DCLK1: variants seen among roughly 807,000 people sequenced by gnomAD.
DCLK1 encodes doublecortin like kinase 1.
In DCLK1, 16 loss-of-function variants were observed where a neutral mutation model predicts 86.2. The ratio of observed to expected loss-of-function variants is 0.19; its 90% CI spans 0.13 to 0.28. The LOEUF is 0.28. DCLK1 is among the 10% of genes least tolerant of loss of function. DCLK1 has a pLI of 1.00. For missense variants in DCLK1, 590 were observed against 940.2 expected, an observed-to-expected ratio of 0.63 and a Z score of 4.87; for synonymous variants, 369 against 370.5, an observed-to-expected ratio of 1.00 and a Z score of 0.05.
intron 4 of DCLK1, among the ~76,000 whole-genome samples, chr13:35,904,585 G>A (rs1874575364): frequency 6.6e-6 from 1 of 152,196 alleles, no homozygotes; most frequent in Admixed American, 6.5e-5. Context: ...TGGGGAAAGT[G>A]GTGGGTGCTG....
intron 3 of DCLK1, among the ~76,000 whole-genome samples, chr13:36,100,846 T>C (rs188350472): frequency 6.6e-6 from 1 of 152,320 alleles, no homozygotes; most frequent in Non-Finnish European, 1.5e-5. Context: ...GTTTATCCCA[T>C]CCATTGTTGT....
chr13:35,920,849 G>A (rs1875759619), intron 4 of DCLK1, among the ~76,000 whole-genome samples: 1 of 151,972 alleles, frequency 6.6e-6, no homozygotes, highest in East Asian at 1.9e-4. Flanking sequence ...CACCCGATGT[G>A]GCCCCCAGCA....
At chr13:35,929,819 G>C (rs1207153932) in intron 4 of DCLK1, among the ~76,000 whole-genome samples, 1 of 150,530 alleles carries the variant, frequency 6.6e-6, no homozygotes, top group Non-Finnish European at 1.5e-5. Context: ...CAGTGATTCA[G>C]CCTATTGAAA....
intron 15 of DCLK1, among the ~76,000 whole-genome samples, chr13:35,794,560 G>A (rs949864356): frequency 6.6e-6 from 1 of 152,140 alleles, no homozygotes; most frequent in Non-Finnish European, 1.5e-5. Context: ...CAGCATTTGG[G>A]CATTCACTTA....
At chr13:36,007,903 A>C (rs1881056750) in intron 3 of DCLK1, among the ~76,000 whole-genome samples, 1 of 152,082 alleles carries the variant, frequency 6.6e-6, no homozygotes, top group South Asian at 2.1e-4. Context: ...TTGACTTCTA[A>C]GAAGTTAGGG....
At chr13:35,950,084 C>T (rs138628650) in intron 3 of DCLK1, among the ~76,000 whole-genome samples, 18 of 152,280 alleles carry the variant, frequency 1.2e-4, no homozygotes, top group East Asian at 1.9e-4. Context: ...GCTTTCTGTT[C>T]GAAATCATGT....
At position 35,861,023 on chromosome 13, in the gene DCLK1, T is replaced by C. The variant is rs574888937; in HGVS notation, c.941-6430A>G. On this transcript the variant is annotated intron_variant, in intron 5 of 16. Coordinates refer to ENST00000360631, the MANE Select transcript of DCLK1 (RefSeq NM_001330071.2). ...GGGTCCAGAGAAGAAATGGGGGACA[T>C]GAGTGGAAAGGAAGATGTCCTTCAC... Among the ~76,000 whole-genome samples the C allele has an allele frequency of 8.5e-5, 13 of 152,252 alleles. No individual in the cohort carries two copies. In the South Asian group the frequency reaches 2.5e-3, roughly 29 times the overall value.
intron 4 of DCLK1, among the ~76,000 whole-genome samples, 184 bp downstream of exon 4, chr13:35,947,174 C>T (rs184244206): frequency 4.6e-5 from 7 of 152,180 alleles, no homozygotes; most frequent in Admixed American, 3.9e-4. Flanking sequence ...TTCCAATTCT[C>T]ATTTCATCTG....
intron 4 of DCLK1, among the ~76,000 whole-genome samples, chr13:35,886,007 CTTTTTTTTTTT>C (rs10589320): frequency 1.7e-4 from 22 of 130,700 alleles, no homozygotes; most frequent in Admixed American, 5.5e-4. Flanking sequence ...GAATAGGTTC[CTTTTTTTTTTT>C]TTTTTTTTTT....
At chr13:35,918,892 G>GTGTTTTTTTTTTTTTTTTTTTT (rs780502143) in intron 4 of DCLK1, among the ~76,000 whole-genome samples, 1 of 76,322 alleles carries the variant, frequency 1.3e-5, no homozygotes, top group South Asian at 5.9e-4. Context: ...TTCTGAGTGT[G>GTGTTTTTTTTTTTTTTTTTTTT]TTTTTTTTTT....
chr13:36,006,757 T>C (rs1042399071), intron 3 of DCLK1, among the ~76,000 whole-genome samples: 1 of 152,214 alleles, frequency 6.6e-6, no homozygotes, highest in Admixed American at 6.5e-5. Flanking sequence ...GTATGAAGTT[T>C]GGATCTAGAG....
At chr13:35,886,179 T>C (rs1873227650) in intron 4 of DCLK1, among the ~76,000 whole-genome samples, 4 of 151,886 alleles carry the variant, frequency 2.6e-5, no homozygotes, top group Admixed American at 2.0e-4. Context: ...GCCTGGCTAA[T>C]TTTTTGTATT....
chr13:35,946,659 T>C (rs1877398570), intron 4 of DCLK1, among the ~76,000 whole-genome samples: 1 of 152,220 alleles, frequency 6.6e-6, no homozygotes, highest in African/African-American at 2.4e-5. Flanking sequence ...AGTAACATTA[T>C]CAAAGAAGGG....
chr13:36,030,378 C>T lies in DCLK1; in HGVS notation c.723+81491G>A, dbSNP rs59576304. Among the ~76,000 whole-genome samples the T allele has an allele frequency of 9.5e-3, 1,440 of 152,002 alleles. 27 individuals are homozygous for T. The highest frequency in any genetic ancestry group is 0.033 in the African/African-American group (1,368 of 41,422). ...GTGGCACGATCTTGGCTCACTGCAG[C>T]CTCTGCCTCCTGGGTTCAAGCAATT... On this transcript the variant is annotated intron_variant, in intron 3 of 16. Coordinates refer to ENST00000360631, the MANE Select transcript of DCLK1 (RefSeq NM_001330071.2).
At chr13:35,848,419 CT>C in intron 6 of DCLK1, 1 of 985,208 alleles carries the variant, frequency 1.0e-6, no homozygotes, top group Non-Finnish European at 1.2e-6. Context: ...AGGGACTTTA[CT>C]TTCAAAAAGT....
intron 8 of DCLK1, among the ~76,000 whole-genome samples, chr13:35,831,459 T>C (rs1868955648): frequency 6.6e-6 from 1 of 152,162 alleles, no homozygotes; most frequent in Non-Finnish European, 1.5e-5. Context: ...AAATCGAATC[T>C]TATATAATGA....
intron 3 of DCLK1, among the ~76,000 whole-genome samples, chr13:36,060,423 C>T (rs1234081337): frequency 6.6e-6 from 1 of 152,096 alleles, no homozygotes; most frequent in Non-Finnish European, 1.5e-5. Flanking sequence ...ATTATATCAG[C>T]CTCATGATCA....
intron 12 of DCLK1, among the ~76,000 whole-genome samples, chr13:35,810,061 G>C (rs573444794): frequency 7.9e-5 from 12 of 152,276 alleles, no homozygotes; most frequent in Admixed American, 2.0e-4. Context: ...CTCAGAGCCT[G>C]CCTATGGCCC....
intron 3 of DCLK1, among the ~76,000 whole-genome samples, chr13:36,036,412 T>C (rs930931168): frequency 6.6e-6 from 1 of 152,184 alleles, no homozygotes; most frequent in African/African-American, 2.4e-5. Flanking sequence ...CAGGAATCCT[T>C]TGGGGCTAAG....
Sources: allele counts gnomAD v4.1 joint callset (sites outside exome capture counted in the v4.1 genomes callset), GRCh38; gene constraint gnomAD v4.1.1; transcripts MANE v1.5; gene names NCBI Gene and HGNC (gene_info 2026-07-23, HGNC 2026-07-21).